The following SRPRA variants were observed in gnomAD, a reference collection of about 807,000 sequenced individuals.
The protein encoded by SRPRA is signal recognition particle receptor subunit alpha.
In SRPRA, 30 loss-of-function variants were observed where a neutral mutation model predicts 61.1. The ratio of observed to expected loss-of-function variants is 0.49; its 90% confidence interval spans 0.37 to 0.67. SRPRA has a LOEUF of 0.67. Among genes scored for constraint, SRPRA ranks in the 30% least tolerant of loss-of-function variants. The pLI is 0.00. For missense variants in SRPRA, 759 were observed against 828.4 expected, an observed-to-expected ratio of 0.92 and a Z score of 1.03; for synonymous variants, 324 against 299.7, an observed-to-expected ratio of 1.08 and a Z score of -0.84.
the SRPRA span, among the ~76,000 whole-genome samples, chr11:126,247,863 A>G: frequency 1.4e-5 from 2 of 146,276 alleles, no homozygotes; most frequent in East Asian, 3.9e-4. Flanking sequence ...ATCTCAAAAA[A>G]AAAATATATA....
chr11:126,247,234 A>G, the SRPRA span, among the ~76,000 whole-genome samples: 5 of 152,238 alleles, frequency 3.3e-5, no homozygotes, highest in East Asian at 5.8e-4. Context: ...CAAGGCTGCA[A>G]TGAGCCACGT....
the SRPRA span, chr11:126,256,823 CAT>C: frequency 1.2e-5 from 20 of 1,613,694 alleles, no homozygotes; most frequent in South Asian, 5.5e-5. This position sits in a 1 kb window ranked among gnomAD's most constrained non-coding sequence, Gnocchi z 6.6. Context: ...AAGCGACTGA[CAT>C]GTGAGATCTC....
downstream of SRPRA, chr11:126,262,909 A>G (rs1591535431): frequency 6.5e-6 from 1 of 152,676 alleles, no homozygotes; most frequent in African/African-American, 2.4e-5. Context: ...TGAATCCTGT[A>G]TAAAAGAACT....
the SRPRA span, among the ~76,000 whole-genome samples, chr11:126,239,315 A>T: frequency 6.6e-6 from 1 of 152,086 alleles, no homozygotes; most frequent in Non-Finnish European, 1.5e-5. Flanking sequence ...TATGTTATAT[A>T]AAAAAATACA....
chr11:126,237,590 A>C, the SRPRA span, among the ~76,000 whole-genome samples: 1 of 137,844 alleles, frequency 7.3e-6, no homozygotes, highest in Non-Finnish European at 1.6e-5. Flanking sequence ...TCATCCCAGC[A>C]CTTTGGGAGG....
chr11:126,242,697 ACCC>A, the SRPRA span, among the ~76,000 whole-genome samples: 1 of 152,220 alleles, frequency 6.6e-6, no homozygotes, highest in African/African-American at 2.4e-5. Context: ...GCCATTTCAC[ACCC>A]GCTGGCATGA....
the SRPRA span, chr11:126,250,746 G>T: frequency 6.4e-7 from 1 of 1,572,166 alleles, no homozygotes; most frequent in Non-Finnish European, 8.7e-7. This position sits in a 1 kb window ranked among gnomAD's most constrained non-coding sequence, Gnocchi z 5.1. Flanking sequence ...AAAAAGTAAA[G>T]CATTGGTCCC....
Position 126,265,965 on chromosome 11 carries a change from A to G in SRPRA, c.1049T>C (p.Ile350Thr), listed in dbSNP as rs756318266. ...SVLDKMRDHL[I>T]AKNVAADIAV... Reference sequence around the variant, plus strand: ...TCAGCCCGGTCCTCAGAACTTACCAATGAGATGATCACGCATCTTGTCCAG... The same window carrying G: ...TCAGCCCGGTCCTCAGAACTTACCAGTGAGATGATCACGCATCTTGTCCAG... Residue 350 changes from isoleucine to threonine, a missense_variant and splice_region_variant, in exon 8 of 14, where the codon ATT (isoleucine) becomes ACT (threonine). Ile to Thr is a moderately conservative substitution (Grantham distance 89, BLOSUM62 -1). This residue lies in a region of SRPRA where 475 missense variants were observed against 462.5 expected (regional missense o/e 1.03). Coordinates refer to ENST00000332118, the MANE Select transcript of SRPRA (RefSeq NM_003139.4). The surrounding 1 kb of genome is among the most constrained non-coding windows in gnomAD (Gnocchi z 6.3). 1 of 1,614,128 alleles carries G rather than the reference A, an allele frequency of 6.2e-7. No individual in the cohort carries two copies. The highest frequency in any genetic ancestry group is 1.1e-5 in the South Asian group (1 of 91,082).
chr11:126,242,863 T>A, the SRPRA span, among the ~76,000 whole-genome samples: 1 of 152,170 alleles, frequency 6.6e-6, no homozygotes, highest in Admixed American at 6.5e-5. Flanking sequence ...ACTGCACTCA[T>A]AAGTATATAC....
chr11:126,238,919 A>G, the SRPRA span, among the ~76,000 whole-genome samples: 1 of 151,762 alleles, frequency 6.6e-6, no homozygotes. Flanking sequence ...GGTGGTTTAC[A>G]AAGAACCAGT....
rs531136631 is a variant in SRPRA, at chr11:126,267,039, A to G, written c.527-117T>C. On this transcript the variant is annotated intron_variant, in intron 4 of 13. Coordinates refer to ENST00000332118, the MANE Select transcript of SRPRA (RefSeq NM_003139.4). This position sits in a 1 kb window ranked among gnomAD's most constrained non-coding sequence, Gnocchi z 4.2. ...TTGGACCAAACATCTTGGAGTTCATAAGGCCTGGGGATTATAGGATGGTGA... is the reference window on the plus strand; with the variant it reads ...TTGGACCAAACATCTTGGAGTTCATGAGGCCTGGGGATTATAGGATGGTGA... The G allele has an allele frequency of 6.6e-7, 1 of 1,519,812 alleles. No homozygotes were observed. Among genetic ancestry groups the G allele is most frequent in the Middle Eastern group, 2.3e-4 (1 of 4,350 alleles). The allele number at this position is 1,519,812 out of a possible 1,614,324, so 94.1% of individuals were successfully genotyped here.
chr11:126,243,689 A>C, the SRPRA span, among the ~76,000 whole-genome samples: 1 of 152,062 alleles, frequency 6.6e-6, no homozygotes, highest in Non-Finnish European at 1.5e-5. Context: ...AGATCACTTG[A>C]GGTCAGGAGT....
chr11:126,268,848 G>C lies in SRPRA; in HGVS notation c.-44C>G, dbSNP rs1429830653. 10 of 1,487,858 alleles carry C rather than the reference G, an allele frequency of 6.7e-6. No homozygotes were observed. The highest frequency in any genetic ancestry group is 9.4e-6 in the Non-Finnish European group (10 of 1,068,722). 92.2% of individuals were successfully genotyped at this position (1,487,858 alleles called of 1,614,324 possible). A position where few individuals can be genotyped will look rare whatever the true frequency, so the allele number is the denominator to read the frequency against. ...GCTGGGGCCGGCGCCGGGAATTCAG[G>C]CCGCGTTCGCCGCCGCTTCCTGCTG... On this transcript the variant is annotated 5_prime_UTR_variant, in exon 1 of 14. Coordinates refer to ENST00000332118, the MANE Select transcript of SRPRA (RefSeq NM_003139.4).
Position 126,265,967 on chromosome 11 carries a change from G to C in SRPRA, c.1047C>G (p.Leu349=), listed in dbSNP as rs777826301. 1.2e-6 allele frequency: 2 copies of C among 1,614,084 alleles called. No individual in the cohort carries two copies. Among genetic ancestry groups the C allele is most frequent in the Non-Finnish European group, 1.7e-6 (2 of 1,179,976 alleles). ...ESVLDKMRDH[L]IAKNVAADIA... is the part of the protein sequence containing the mutation. The stretch of plus-strand genomic sequence containing the variant: ...AGCCCGGTCCTCAGAACTTACCAAT[G>C]AGATGATCACGCATCTTGTCCAGCA... Residue 349 remains leucine (L), a synonymous_variant, in exon 8 of 14, where the codon CTC becomes CTG. Transcript: ENST00000332118. The surrounding 1 kb of genome is among the most constrained non-coding windows in gnomAD (Gnocchi z 6.3).
At position 126,264,199 on chromosome 11, in the gene SRPRA, C is replaced by CA. The variant is rs765135382; in HGVS notation, c.1779dup (p.Asp594Ter). The CA allele has an allele frequency of 6.2e-7, 1 of 1,614,004 alleles. No homozygotes were observed. Among genetic ancestry groups the CA allele is most frequent in the South Asian group, 1.1e-5 (1 of 91,052 alleles). On this transcript the variant is annotated frameshift_variant, in exon 13 of 14. Transcript: ENST00000332118. LOFTEE classifies it high-confidence loss of function. The surrounding 1 kb of genome is among the most constrained non-coding windows in gnomAD (Gnocchi z 5.0). ...TCCAGTCTCACGTTTACCTTGTCAT[C>CA]AATGGTATCAAATTTGGTAAGAACA...
At chr11:126,246,993 T>C in the SRPRA span, among the ~76,000 whole-genome samples, 3 of 152,208 alleles carry the variant, frequency 2.0e-5, no homozygotes, top group African/African-American at 4.8e-5. Flanking sequence ...CCCCTATCTC[T>C]ACACAAATTT....
At chr11:126,255,263 G>A in the SRPRA span, among the ~76,000 whole-genome samples, 2 of 152,160 alleles carry the variant, frequency 1.3e-5, no homozygotes, top group Admixed American at 6.6e-5. The surrounding 1 kb of genome is among the most constrained non-coding windows in gnomAD (Gnocchi z 4.6). Flanking sequence ...AGTATTCGCT[G>A]CCCCCAGCTC....
At position 126,267,297 on chromosome 11, in the gene SRPRA, G is replaced by A. The variant is rs1950832014; in HGVS notation, c.404C>T (p.Thr135Ile). 6.2e-7 allele frequency: 1 copy of A among 1,613,992 alleles called. No homozygotes were observed. Among genetic ancestry groups the A allele is most frequent in the South Asian group, 1.1e-5 (1 of 91,074 alleles). ...TTCAGAATCTTCAAATTTCTTCATG[G>A]TAGTGGGAGCACGGATCTTACTGCT... ...EESSKIRAPT[T>I]MKKFEDSEKA... is the part of the protein sequence containing the mutation. Residue 135 changes from threonine (T) to isoleucine (I), a missense_variant, in exon 4 of 14, where the codon ACC becomes ATC. Physicochemically the swap from Thr to Ile is moderately conservative, Grantham distance 89. Transcript: ENST00000332118. This position sits in a 1 kb window ranked among gnomAD's most constrained non-coding sequence, Gnocchi z 4.2.
the SRPRA span, among the ~76,000 whole-genome samples, chr11:126,249,731 C>CAAAAAAAAAAAAAAA: frequency 2.5e-5 from 2 of 79,006 alleles, no homozygotes; most frequent in South Asian, 1.1e-3. Context: ...GACTCCGTCT[C>CAAAAAAAAAAAAAAA]AAAAAAAAAA....
Sources: gnomAD v4.1 joint callset for allele counts (sites outside exome capture counted in the v4.1 genomes callset) on GRCh38, gnomAD v4.1.1 for gene constraint, gnomAD v4.1.1 regional missense constraint, Gnocchi (gnomAD v3.1) non-coding constraint, MANE v1.5 for transcripts, NCBI Gene and HGNC (gene_info 2026-07-23, HGNC 2026-07-21) for gene names.